The following CBFB variants were observed in gnomAD, a reference collection of about 807,000 sequenced individuals.
CBFB encodes the protein core-binding factor subunit beta, also known as CBF-beta.
A neutral mutation model predicts 30.4 loss-of-function variants in CBFB; 9 were observed. The ratio of observed to expected loss-of-function variants is 0.30; its 90% CI spans 0.18 to 0.52. The LOEUF is 0.52. Ranked by LOEUF, CBFB falls within the 20% of genes least tolerant of loss-of-function variation. The probability of loss-of-function intolerance (pLI) is 0.97; values close to 1 mark genes in which losing one functional copy is unlikely to be tolerated. For synonymous variants in CBFB, 94 were observed against 84.0 expected, an observed-to-expected ratio of 1.12 and a Z score of -0.65; for missense variants, 170 against 244.0, an observed-to-expected ratio of 0.70 and a Z score of 2.02.
chr16:67,045,409 T>C (rs1966606986), intron 3 of CBFB, among the ~76,000 whole-genome samples: 1 of 151,878 alleles, frequency 6.6e-6, no homozygotes, highest in Non-Finnish European at 1.5e-5. Context: ...CCCAGCTACT[T>C]GGGAGACTGA....
intron 2 of CBFB, among the ~76,000 whole-genome samples, chr16:67,032,336 C>T (rs1428154031): frequency 6.6e-6 from 1 of 152,116 alleles, no homozygotes. Flanking sequence ...AAAAATAAAA[C>T]AAGTATCTGA....
At chr16:67,060,378 A>G (rs953811629) in intron 3 of CBFB, among the ~76,000 whole-genome samples, 1 of 152,170 alleles carries the variant, frequency 6.6e-6, no homozygotes, top group African/African-American at 2.4e-5. Flanking sequence ...TTCTGCAACC[A>G]TCATTACCAT....
chr16:67,092,698 C>CTCTTTTTTTTTTT (rs1961925973), intron 5 of CBFB, among the ~76,000 whole-genome samples: 1 of 33,494 alleles, frequency 3.0e-5, no homozygotes, highest in African/African-American at 1.2e-4. Flanking sequence ...GTGGTGCAAT[C>CTCTTTTTTTTTTT]TTTTTTTTTT....
At chr16:67,092,535 A>G (rs146161374) in intron 5 of CBFB, among the ~76,000 whole-genome samples, 4 of 152,158 alleles carry the variant, frequency 2.6e-5, no homozygotes, top group South Asian at 2.1e-4. Flanking sequence ...CATCTGCACA[A>G]TGAGAGTTGA....
At chr16:67,066,608 A>G (rs547831738) in intron 3 of CBFB, 74 bp from the exon 4 acceptor site, 7 of 770,218 alleles carry the variant, frequency 9.1e-6, no homozygotes, top group South Asian at 3.0e-5. Flanking sequence ...CAGAGTTTAT[A>G]TAAGTAAGTT....
chr16:67,038,962 A>G (rs1966488411), intron 3 of CBFB, among the ~76,000 whole-genome samples: 1 of 152,202 alleles, frequency 6.6e-6, no homozygotes, highest in African/African-American at 2.4e-5. Context: ...TGAAGACCAC[A>G]TAATCCTTGG....
Position 67,090,228 on chromosome 16 carries a change from C to T in CBFB, c.495+7920C>T, listed in dbSNP as rs895827890. Among the ~76,000 whole-genome samples, 62 of 152,154 alleles carry T rather than the reference C, an allele frequency of 4.1e-4. 1 individual carries two copies. Among genetic ancestry groups the T allele is most frequent in the Admixed American group, 2.9e-3 (44 of 15,274 alleles). Reference sequence around the variant, plus strand: ...TGGGTGCTAGTTAGGTGGGTGTGTTCGCTTTGTGAAAATTCTTCATTACAT... The same window carrying T: ...TGGGTGCTAGTTAGGTGGGTGTGTTTGCTTTGTGAAAATTCTTCATTACAT... On this transcript the variant is annotated intron_variant, in intron 5 of 5. Transcript: ENST00000412916.
At chr16:67,096,460 AATATAC>A (rs1962047993) in intron 5 of CBFB, among the ~76,000 whole-genome samples, 1 of 151,002 alleles carries the variant, frequency 6.6e-6, no homozygotes, top group African/African-American at 2.5e-5. Context: ...TGAAGGAGAA[AATATAC>A]ATATATATAT....
chr16:67,081,302 A>G (rs942708034), intron 4 of CBFB, among the ~76,000 whole-genome samples: 1 of 152,024 alleles, frequency 6.6e-6, no homozygotes, highest in South Asian at 2.1e-4. Flanking sequence ...TACAAAGGAC[A>G]TGAACTCATC....
rs1323233198 is a variant in CBFB at position 67,036,624 on chromosome 16, T to C, written c.166-15T>C. ...GTCCTGCTCCTGATCCTGTTTGTAT[T>C]GATTTTTCTAAAAGGCTTTTGTGGC... On this transcript the variant is annotated splice_polypyrimidine_tract_variant and intron_variant, in intron 2 of 5. Coordinates refer to ENST00000412916, the MANE Select transcript of CBFB (RefSeq NM_022845.3). 13 of 1,476,428 alleles carry C rather than the reference T, an allele frequency of 8.8e-6. No individual in the cohort carries two copies. The highest frequency in any genetic ancestry group is 1.2e-5 in the Non-Finnish European group (13 of 1,054,674). The allele number at this position is 1,476,428 out of a possible 1,614,324, so 91.5% of individuals were successfully genotyped here. A position where few individuals can be genotyped will look rare whatever the true frequency, so the allele number is the denominator to read the frequency against.
At chr16:67,057,047 A>G (rs1032532009) in intron 3 of CBFB, among the ~76,000 whole-genome samples, 1 of 150,284 alleles carries the variant, frequency 6.7e-6, no homozygotes, top group African/African-American at 2.5e-5. Flanking sequence ...CAGTGGTGCA[A>G]TCTTGGCTCA....
chr16:67,080,489 A>G (rs939184530), intron 4 of CBFB, among the ~76,000 whole-genome samples: 1 of 152,124 alleles, frequency 6.6e-6, no homozygotes, highest in Non-Finnish European at 1.5e-5. Flanking sequence ...AGAAAAAAAA[A>G]TGGTGCCACC....
At position 67,100,470 on chromosome 16, in the gene CBFB, A is replaced by G. The variant is rs865859615; in HGVS notation, c.*1692A>G. 3.5e-5 allele frequency: 8 copies of G among 227,240 alleles called. No homozygotes were observed. The highest frequency in any genetic ancestry group is 2.8e-4 in the Admixed American group (5 of 17,614). 14.1% of individuals were successfully genotyped at this position (227,240 alleles called of 1,614,324 possible). On this transcript the variant is annotated 3_prime_UTR_variant, in exon 6 of 6. Transcript: ENST00000412916. ...AAGGCCATGCTGATCTTGCATAACTATAAGTACTATGAATGAATTTGGTTG... is the reference window on the plus strand; with the variant it reads ...AAGGCCATGCTGATCTTGCATAACTGTAAGTACTATGAATGAATTTGGTTG...
At chr16:67,055,362 T>C (rs1211763589) in intron 3 of CBFB, among the ~76,000 whole-genome samples, 1 of 121,920 alleles carries the variant, frequency 8.2e-6, no homozygotes, top group African/African-American at 3.7e-5. Context: ...ACTTTCTTTT[T>C]TTTTTTTTTT....
At chr16:67,074,905 T>C (rs903311740) in intron 4 of CBFB, among the ~76,000 whole-genome samples, 5 of 152,118 alleles carry the variant, frequency 3.3e-5, no homozygotes, top group Admixed American at 6.6e-5. Flanking sequence ...ACATAAAATA[T>C]GTAGAGGCCA....
chr16:67,050,338 G>A (rs1296617704), intron 3 of CBFB, among the ~76,000 whole-genome samples: 5 of 149,388 alleles, frequency 3.3e-5, no homozygotes, highest in Non-Finnish European at 5.9e-5. Context: ...ACATATATAT[G>A]TATATATAAC....
chr16:67,085,002 C>A (rs570391438), intron 5 of CBFB, among the ~76,000 whole-genome samples: 1 of 152,116 alleles, frequency 6.6e-6, no homozygotes, highest in Non-Finnish European at 1.5e-5. Context: ...AGCGTATGTG[C>A]CACTGACTAG....
chr16:67,032,711 A>T (rs542249577), intron 2 of CBFB, among the ~76,000 whole-genome samples: 1 of 152,328 alleles, frequency 6.6e-6, no homozygotes, highest in East Asian at 1.9e-4. Context: ...TTATCTCATG[A>T]CTTATGAACA....
At chr16:67,085,139 AAATT>A (rs1452795875) in intron 5 of CBFB, among the ~76,000 whole-genome samples, 1 of 150,606 alleles carries the variant, frequency 6.6e-6, no homozygotes, top group Non-Finnish European at 1.5e-5. Context: ...TGTATGAAAT[AAATT>A]GTGTGTGTGT....
Sources: gnomAD v4.1 joint callset for allele counts (sites outside exome capture counted in the v4.1 genomes callset) on GRCh38, gnomAD v4.1.1 for gene constraint, MANE v1.5 for transcripts, NCBI Gene and HGNC (gene_info 2026-07-23, HGNC 2026-07-21) for gene names.